The following FLNB variants were observed in gnomAD, a reference collection of about 807,000 sequenced individuals.
The protein encoded by FLNB is filamin B, also known as filamin-B.
In FLNB, 111 loss-of-function variants were observed where a neutral mutation model predicts 250.6. The ratio of observed to expected loss-of-function variants is 0.44; its 90% CI spans 0.38 to 0.52. The LOEUF is 0.52. Ranked by LOEUF, FLNB falls within the 20% of genes least tolerant of loss-of-function variation. The probability of loss-of-function intolerance (pLI) is 0.00; values close to 1 mark genes in which losing one functional copy is unlikely to be tolerated. For missense variants in FLNB, 2,869 were observed against 3,447.8 expected (o/e 0.83, Z 4.20); for synonymous variants, 1,302 against 1,372.1 (o/e 0.95, Z 1.13).
intron 8 of FLNB, among the ~76,000 whole-genome samples, chr3:58,099,321 C>G (rs545120611): frequency 6.6e-6 from 1 of 152,126 alleles, no homozygotes; most frequent in Non-Finnish European, 1.5e-5. Flanking sequence ...ATTGCACCAG[C>G]CTGTGTGTTG....
chr3:58,121,905 C>T (rs1211922190), intron 20 of FLNB, among the ~76,000 whole-genome samples: 1 of 152,204 alleles, frequency 6.6e-6, no homozygotes. Flanking sequence ...CGCGGTGGCT[C>T]ATGCCTGTAA....
intron 1 of FLNB, among the ~76,000 whole-genome samples, chr3:58,024,728 T>A (rs1158955392): frequency 5.2e-5 from 5 of 96,064 alleles, no homozygotes; most frequent in Non-Finnish European, 8.5e-5. Context: ...TTTTTTTTTT[T>A]AACCTTGAGA....
rs763607287 is a variant in FLNB, at chr3:58,123,621, C to T, written c.3655C>T (p.Arg1219Trp). ...CGAACTCGTGCCACACTTCCCCGCC[C>T]GGGTCAAGGTGGAGCCCGCCGTGGA... is the stretch of plus-strand genomic sequence containing the variant. ...GGELVPHFPA[R>W]VKVEPAVDTS... The change falls in exon 21 of 46, where the codon CGG (arginine) becomes TGG (tryptophan). Residue 1219 changes from arginine to tryptophan, a missense_variant. Arg to Trp is a moderately radical substitution (Grantham distance 101). This residue lies in a region of FLNB where 1,348 missense variants were observed against 1,466.7 expected (regional missense o/e 0.92). Transcript: ENST00000295956. 145 of 1,612,284 alleles carry T rather than the reference C, an allele frequency of 9.0e-5. No homozygotes were observed. Among genetic ancestry groups the T allele is most frequent in the East Asian group, 3.6e-4 (16 of 44,866 alleles).
intron 26 of FLNB, among the ~76,000 whole-genome samples, chr3:58,134,155 G>C (rs13098199): frequency 0.21 from 31,635 of 152,152 alleles, 4,216 homozygotes; most frequent in Middle Eastern, 0.34. Flanking sequence ...TGGTGGGTGA[G>C]CCATCATTAC....
chr3:58,091,524 A>C (rs564104446), intron 4 of FLNB, among the ~76,000 whole-genome samples: 33 of 152,280 alleles, frequency 2.2e-4, no homozygotes, highest in African/African-American at 7.5e-4. Context: ...AAAAACAAAA[A>C]ACCCATATAA....
rs371833840 is a variant in FLNB at position 58,124,100 on chromosome 3, G to A, written c.3725-232G>A. Among the ~76,000 whole-genome samples, 43 of 152,322 alleles carry A rather than the reference G, an allele frequency of 2.8e-4. No homozygotes were observed. The South Asian group carries it at 7.9e-3, about 28-fold the overall frequency. ...CAGGTTAGTCTTCAACCTTTAACCTGTCCTCGAGCCCGGTGTGAGCAGTCG... is the reference window on the plus strand; with the variant it reads ...CAGGTTAGTCTTCAACCTTTAACCTATCCTCGAGCCCGGTGTGAGCAGTCG... On this transcript the variant is annotated intron_variant, in intron 21 of 45. Coordinates refer to ENST00000295956, the MANE Select transcript of FLNB (RefSeq NM_001457.4).
chr3:58,168,332 G>C lies in FLNB; in HGVS notation c.7199-108G>C, dbSNP rs1392279968. 5 of 855,478 alleles carry C rather than the reference G, an allele frequency of 5.8e-6. No individual in the cohort carries two copies. In the East Asian group the frequency reaches 7.9e-5, roughly 14 times the overall value. 53.0% of individuals were successfully genotyped at this position (855,478 alleles called of 1,614,324 possible). A position where few individuals can be genotyped will look rare whatever the true frequency, so the allele number is the denominator to read the frequency against. Reference sequence around the variant, plus strand: ...TGCCAGTGGGTTCCCATGCCACCAGGGTGAGCCCTCTGTAAGGGGATCTAT... The same window carrying C: ...TGCCAGTGGGTTCCCATGCCACCAGCGTGAGCCCTCTGTAAGGGGATCTAT... On this transcript the variant is annotated intron_variant, in intron 43 of 45. Transcript: ENST00000295956.
chr3:58,052,071 G>C (rs138357558), intron 1 of FLNB, among the ~76,000 whole-genome samples: 169 of 152,228 alleles, frequency 1.1e-3, no homozygotes, highest in African/African-American at 3.7e-3. Flanking sequence ...GTTTTTACTA[G>C]AGACAGGGTT....
At chr3:58,159,719 C>G in intron 42 of FLNB, 33 bp downstream of exon 42, 2 of 1,606,536 alleles carry the variant, frequency 1.2e-6, no homozygotes, top group Middle Eastern at 2.0e-4. Flanking sequence ...GGTCCCAGCA[C>G]CAGCACTTTC....
At chr3:58,146,717 T>C (rs1349947693) in intron 33 of FLNB, 103 bp from the exon 34 acceptor site, 1 of 1,214,832 alleles carries the variant, frequency 8.2e-7, no homozygotes, top group African/African-American at 1.5e-5. Context: ...GTCAATCCAT[T>C]GTCCCCAGCA....
intron 1 of FLNB, among the ~76,000 whole-genome samples, chr3:58,040,377 C>G (rs2097144357): frequency 6.6e-6 from 1 of 152,150 alleles, no homozygotes; most frequent in Non-Finnish European, 1.5e-5. Context: ...GCATCTTACT[C>G]TTATGGAGCC....
chr3:58,046,138 C>T (rs984502653), intron 1 of FLNB, among the ~76,000 whole-genome samples: 9 of 151,934 alleles, frequency 5.9e-5, no homozygotes, highest in Admixed American at 2.0e-4. Context: ...GAGGGACAGG[C>T]CCTGATCAAG....
rs1299839947 is a variant in FLNB, at chr3:58,112,350, C to T, written c.2745+32C>T. On this transcript the variant is annotated intron_variant, in intron 18 of 45. Coordinates refer to ENST00000295956, the MANE Select transcript of FLNB (RefSeq NM_001457.4). ...TCCTTCTCCCCTCTGCTCCCCTGGC[C>T]CCCAGCCAGGCCCCTTTCTATGCAG... 3.1e-6 allele frequency: 5 copies of T among 1,601,394 alleles called. No individual in the cohort carries two copies. The South Asian group carries it at 5.5e-5, about 18-fold the overall frequency.
intron 1 of FLNB, among the ~76,000 whole-genome samples, chr3:58,056,846 C>T (rs1332953238): frequency 1.3e-5 from 2 of 152,180 alleles, no homozygotes; most frequent in Admixed American, 6.5e-5. Context: ...GCCTCGGCCT[C>T]CCAAAGTGCT....
At position 58,169,905 on chromosome 3, in the gene FLNB, C is replaced by G; in HGVS notation, c.7621+112C>G. On this transcript the variant is annotated intron_variant, in intron 45 of 45. Coordinates refer to ENST00000295956, the MANE Select transcript of FLNB (RefSeq NM_001457.4). The surrounding 1 kb of genome is among the most constrained non-coding windows in gnomAD (Gnocchi z 4.8). Reference sequence around the variant, plus strand: ...CTGCAGTGCCCACCCCCATGTAGGCCAGCCGTTTGCAAGTAACCATCGTCA... The same window carrying G: ...CTGCAGTGCCCACCCCCATGTAGGCGAGCCGTTTGCAAGTAACCATCGTCA... 1.4e-6 allele frequency: 1 copy of G among 722,520 alleles called. No individual in the cohort carries two copies. Among genetic ancestry groups the G allele is most frequent in the Non-Finnish European group, 2.4e-6 (1 of 425,280 alleles). The allele number at this position is 722,520 out of a possible 1,614,324, so 44.8% of individuals were successfully genotyped here.
In FLNB at chr3:58,096,179, C is replaced by T; in HGVS notation, c.945C>T (p.Tyr315=). 6 of 1,614,078 alleles carry T rather than the reference C, an allele frequency of 3.7e-6. No individual in the cohort carries two copies. Among genetic ancestry groups the T allele is most frequent in the Non-Finnish European group, 5.1e-6 (6 of 1,179,940 alleles). ...CTGACAGTGACAAGAACAAGACATA[C>T]TCTGTGGAGTATCTGCCCAAGGTCA... ...VTPDSDKNKT[Y]SVEYLPKVTG... is the part of the protein sequence containing the mutation. The change falls in exon 6 of 46, where the codon TAC becomes TAT. Residue 315 remains tyrosine, a synonymous_variant. Coordinates refer to ENST00000295956, the MANE Select transcript of FLNB (RefSeq NM_001457.4).
At chr3:58,088,773 C>T (rs1339417801) in intron 4 of FLNB, among the ~76,000 whole-genome samples, 2 of 152,192 alleles carry the variant, frequency 1.3e-5, no homozygotes, top group Non-Finnish European at 2.9e-5. Context: ...ACTATGCAGC[C>T]CCACACTTAC....
At chr3:58,024,901 C>T (rs1339532673) in intron 1 of FLNB, among the ~76,000 whole-genome samples, 4 of 150,434 alleles carry the variant, frequency 2.7e-5, no homozygotes, top group Non-Finnish European at 4.4e-5. Flanking sequence ...TTAGTAGGGA[C>T]GGGGTTTCAT....
chr3:58,123,831 C>T (rs957772705), intron 21 of FLNB, 141 bp downstream of exon 21: 13 of 721,508 alleles, frequency 1.8e-5, no homozygotes, highest in Non-Finnish European at 2.8e-5. Context: ...CCCTCTGCCT[C>T]GGGGAGTAGT....
Sources: gnomAD v4.1 joint callset for allele counts (sites outside exome capture counted in the v4.1 genomes callset) on GRCh38, gnomAD v4.1.1 for gene constraint, gnomAD v4.1.1 regional missense constraint, Gnocchi (gnomAD v3.1) non-coding constraint, MANE v1.5 for transcripts, NCBI Gene and HGNC (gene_info 2026-07-23, HGNC 2026-07-21) for gene names.